PTPRR: variants seen among roughly 807,000 people sequenced by gnomAD.
PTPRR encodes protein tyrosine phosphatase receptor type R.
In PTPRR, 38 loss-of-function variants were observed where a neutral mutation model predicts 77.2. That is an observed-to-expected ratio of 0.49 (90% CI 0.38 to 0.65). The LOEUF is 0.65. Ranked by LOEUF, PTPRR falls within the 30% of genes least tolerant of loss-of-function variation. The probability of loss-of-function intolerance (pLI) is 0.00; values close to 1 mark genes in which losing one functional copy is unlikely to be tolerated. For synonymous variants in PTPRR, 299 were observed against 283.1 expected, an observed-to-expected ratio of 1.06 and a Z score of -0.57; for missense variants, 744 against 799.2, an observed-to-expected ratio of 0.93 and a Z score of 0.83.
intron 10 of PTPRR, chr12:70,664,665 G>A (rs1886917046): frequency 6.6e-6 from 1 of 152,126 alleles, no homozygotes; most frequent in Admixed American, 6.5e-5. Flanking sequence ...AAATGGAAAT[G>A]CTGCTCGCTT....
At position 70,684,228 on chromosome 12, in the gene PTPRR, G is replaced by A; in HGVS notation, c.1396C>T (p.Gln466Ter). Residue 466 changes from glutamine to a stop codon, truncating the protein, a stop_gained, in exon 10 of 14, where the codon CAG (glutamine) becomes TAG (stop). Coordinates refer to ENST00000283228, the MANE Select transcript of PTPRR (RefSeq NM_002849.4). LOFTEE classifies it high-confidence loss of function. ...TCCACGGTGTTGATCATGGGGCCCT[G>A]CGTGGCAATGAAGGCTTTCTCCTTG... ...SGKEKAFIAT[Q>*]GPMINTVDDF... 1 of 1,613,514 alleles carries A rather than the reference G, an allele frequency of 6.2e-7. No homozygotes were observed. Among genetic ancestry groups the A allele is most frequent in the Non-Finnish European group, 8.5e-7 (1 of 1,179,746 alleles).
chr12:70,740,725 A>T (rs540600809), intron 6 of PTPRR, among the ~76,000 whole-genome samples: 1 of 152,294 alleles, frequency 6.6e-6, no homozygotes, highest in Non-Finnish European at 1.5e-5. Context: ...AATTTATATG[A>T]CATGATCCAA....
At chr12:70,738,372 A>G (rs563437107) in intron 6 of PTPRR, among the ~76,000 whole-genome samples, 2 of 152,352 alleles carry the variant, frequency 1.3e-5, no homozygotes, top group South Asian at 4.1e-4. Flanking sequence ...TTAATATCAT[A>G]GTCCTGATGG....
intron 2 of PTPRR, among the ~76,000 whole-genome samples, chr12:70,868,507 G>C (rs1242425004): frequency 2.0e-5 from 3 of 152,136 alleles, no homozygotes; most frequent in Non-Finnish European, 4.4e-5. Context: ...ACACCAGTTA[G>C]AATGGCAATC....
intron 13 of PTPRR, among the ~76,000 whole-genome samples, chr12:70,642,688 C>A (rs1437953291): frequency 6.6e-6 from 1 of 152,116 alleles, no homozygotes; most frequent in Non-Finnish European, 1.5e-5. Flanking sequence ...AAATGAATTA[C>A]CCAGGTCATG....
intron 2 of PTPRR, among the ~76,000 whole-genome samples, chr12:70,891,613 A>G (rs1313900745): frequency 6.6e-6 from 1 of 152,136 alleles, no homozygotes; most frequent in Non-Finnish European, 1.5e-5. Flanking sequence ...TTTTCCAAGC[A>G]AAACAAGAGA....
At chr12:70,689,650 C>A (rs1887989321) in intron 8 of PTPRR, among the ~76,000 whole-genome samples, 1 of 152,106 alleles carries the variant, frequency 6.6e-6, no homozygotes. Context: ...CACAGTGGAG[C>A]AAACAACATT....
Position 70,761,646 on chromosome 12 carries a change from T to C in PTPRR, c.472-20A>G. 3.3e-6 allele frequency: 5 copies of C among 1,532,812 alleles called. No individual in the cohort carries two copies. The highest frequency in any genetic ancestry group is 4.4e-6 in the Non-Finnish European group (5 of 1,135,112). The allele number at this position is 1,532,812 out of a possible 1,614,324, so 95.0% of individuals were successfully genotyped here. On this transcript the variant is annotated intron_variant, in intron 3 of 13. Coordinates refer to ENST00000283228, the MANE Select transcript of PTPRR (RefSeq NM_002849.4). The stretch of plus-strand genomic sequence containing the variant: ...CTTTCCCTAATAAAAGCAGAATATT[T>C]GTATTTGTTATAGACATTTTAAACA...
intron 11 of PTPRR, 116 bp downstream of exon 11, chr12:70,662,379 C>G: frequency 1.7e-6 from 1 of 573,012 alleles, no homozygotes; most frequent in African/African-American, 1.9e-5. Context: ...TCTCTTTGAT[C>G]TTAACATTAT....
intron 2 of PTPRR, among the ~76,000 whole-genome samples, chr12:70,798,344 C>T (rs574941257): frequency 1.3e-5 from 2 of 152,188 alleles, no homozygotes; most frequent in Non-Finnish European, 2.9e-5. Flanking sequence ...ATTATAGCAT[C>T]CCTGCTTCCA....
intron 10 of PTPRR, among the ~76,000 whole-genome samples, chr12:70,673,928 A>G (rs762003774): frequency 2.0e-5 from 3 of 151,948 alleles, no homozygotes; most frequent in African/African-American, 7.3e-5. Flanking sequence ...GTTTACATCA[A>G]TCCTTTTTAA....
chr12:70,766,685 G>A (rs541969558), intron 2 of PTPRR, among the ~76,000 whole-genome samples: 95 of 151,320 alleles, frequency 6.3e-4, no homozygotes, highest in African/African-American at 2.2e-3. Flanking sequence ...TACTCCTCGA[G>A]AAGAGCAACT....
chr12:70,875,539 G>T (rs548754180), intron 2 of PTPRR, among the ~76,000 whole-genome samples: 2 of 151,506 alleles, frequency 1.3e-5, no homozygotes, highest in South Asian at 4.2e-4. Flanking sequence ...TCTTACCTAT[G>T]TAGAAGTATA....
chr12:70,764,652 G>T lies in PTPRR; in HGVS notation c.471+13C>A, dbSNP rs767118744. On this transcript the variant is annotated intron_variant, in intron 3 of 13. Transcript: ENST00000283228. The stretch of plus-strand genomic sequence containing the variant: ...GGCTTGAATTTTGGAAATGCGAAAT[G>T]TGGGTATCTTACAATGAGGCGATTG... 4.4e-6 allele frequency: 7 copies of T among 1,592,280 alleles called. No individual in the cohort carries two copies. Among genetic ancestry groups the T allele is most frequent in the Middle Eastern group, 1.7e-4 (1 of 6,046 alleles).
chr12:70,779,432 A>G (rs1891156788), intron 2 of PTPRR, among the ~76,000 whole-genome samples: 1 of 152,072 alleles, frequency 6.6e-6, no homozygotes, highest in Admixed American at 6.5e-5. Flanking sequence ...GTTCAAGATT[A>G]TTGGGTGGTG....
intron 8 of PTPRR, among the ~76,000 whole-genome samples, chr12:70,690,450 G>A (rs991431556): frequency 6.6e-6 from 1 of 152,086 alleles, no homozygotes; most frequent in Non-Finnish European, 1.5e-5. Context: ...TAATTATCAC[G>A]ATCTATAAAA....
intron 2 of PTPRR, among the ~76,000 whole-genome samples, chr12:70,888,244 C>T (rs572932487): frequency 5.9e-5 from 9 of 152,234 alleles, no homozygotes; most frequent in South Asian, 4.1e-4. Context: ...TCTTAGCATA[C>T]TATCAATGTT....
At chr12:70,766,586 C>T (rs936952979) in intron 2 of PTPRR, among the ~76,000 whole-genome samples, 1 of 151,936 alleles carries the variant, frequency 6.6e-6, no homozygotes, top group Non-Finnish European at 1.5e-5. Context: ...TTGGAAAACA[C>T]TCTGCAGGAT....
At position 70,639,060 on chromosome 12, in the gene PTPRR, A is replaced by G; in HGVS notation, c.*124T>C. On this transcript the variant is annotated 3_prime_UTR_variant, in exon 14 of 14. Coordinates refer to ENST00000283228, the MANE Select transcript of PTPRR (RefSeq NM_002849.4). The stretch of plus-strand genomic sequence containing the variant: ...TATGTTGCCCAGTCTTCCACAATCC[A>G]TGCCATACATGGGCTTCAGAGCTTC... 1.3e-6 allele frequency: 1 copy of G among 770,236 alleles called. No individual in the cohort carries two copies. Among genetic ancestry groups the G allele is most frequent in the Non-Finnish European group, 2.2e-6 (1 of 464,594 alleles). 47.7% of individuals were successfully genotyped at this position (770,236 alleles called of 1,614,324 possible). A position where few individuals can be genotyped will look rare whatever the true frequency, so the allele number is the denominator to read the frequency against.
Sources: gnomAD v4.1 joint callset for allele counts (sites outside exome capture counted in the v4.1 genomes callset) on GRCh38, gnomAD v4.1.1 for gene constraint, MANE v1.5 for transcripts, NCBI Gene and HGNC (gene_info 2026-07-23, HGNC 2026-07-21) for gene names.